The following TRAP1 variants were observed in gnomAD, a reference collection of about 807,000 sequenced individuals.
TRAP1 encodes the protein heat shock protein 75 kDa, mitochondrial.
A neutral mutation model predicts 89.1 loss-of-function variants in TRAP1; 102 were observed. The ratio of observed to expected loss-of-function variants is 1.15; its 90% CI spans 0.98 to 1.35. The LOEUF (loss-of-function observed/expected upper bound fraction) is 1.35, where lower values mean the gene tolerates loss of function less well. TRAP1 is among the 40% of genes most tolerant of loss of function. The pLI is 0.00. For synonymous variants in TRAP1, 508 were observed against 388.0 expected (o/e 1.31, Z -3.64); for missense variants, 1,256 against 945.3 (o/e 1.33, Z -4.31).
In TRAP1 at chr16:3,712,712, T is replaced by TCTCC. The variant is rs1393062365; in HGVS notation, c.88+4708_88+4709insGGAG. Among the ~76,000 whole-genome samples the TCTCC allele has an allele frequency of 3.3e-5, 5 of 152,274 alleles. No homozygotes were observed. The East Asian group carries it at 9.6e-4, about 29-fold the overall frequency. ...AACCTCCAACCTCCACCTCCCAGGT[T>TCTCC]CAAGCAATTCTCGTGCCTCAGCCTC... On this transcript the variant is annotated intron_variant, in intron 1 of 17. Transcript: ENST00000246957.
At chr16:3,669,413 C>T (rs1231122543) in intron 11 of TRAP1, among the ~76,000 whole-genome samples, 3 of 152,132 alleles carry the variant, frequency 2.0e-5, no homozygotes, top group Admixed American at 1.3e-4. Context: ...AGCACTGAGG[C>T]CCCCTTTTCA....
At position 3,664,461 on chromosome 16, in the gene TRAP1, T is replaced by C; in HGVS notation, c.1384-2A>G. ...GCGCAGCAGCTTTGCTATGTCCTCCTAGAAGGGACGGGGCAGGTCACCACT... is the reference window on the plus strand; with the variant it reads ...GCGCAGCAGCTTTGCTATGTCCTCCCAGAAGGGACGGGGCAGGTCACCACT... On this transcript the variant is annotated splice_acceptor_variant, in intron 12 of 17. Transcript: ENST00000246957. LOFTEE classifies it high-confidence loss of function. 6.2e-7 allele frequency: 1 copy of C among 1,608,036 alleles called. No individual in the cohort carries two copies. The highest frequency in any genetic ancestry group is 8.5e-7 in the Non-Finnish European group (1 of 1,177,714).
At position 3,664,457 on chromosome 16, in the gene TRAP1, C is replaced by A. The variant is rs144397127; in HGVS notation, c.1386G>T (p.Glu462Asp). Residue 462 changes from glutamate to aspartate, a missense_variant and splice_region_variant, in exon 13 of 18, where the codon GAG becomes GAT. Physicochemically the swap from Glu to Asp is conservative, Grantham distance 45. Coordinates refer to ENST00000246957, the MANE Select transcript of TRAP1 (RefSeq NM_016292.3). The part of the protein sequence containing the change: ...IVTATEQEVK[E>D]DIAKLLRYES... ...CGTAGCGCAGCAGCTTTGCTATGTCCTCCTAGAAGGGACGGGGCAGGTCAC... is the reference window on the plus strand; with the variant it reads ...CGTAGCGCAGCAGCTTTGCTATGTCATCCTAGAAGGGACGGGGCAGGTCAC... 1.3e-4 allele frequency: 204 copies of A among 1,608,690 alleles called. No homozygotes were observed. In the African/African-American group the frequency reaches 2.6e-3, roughly 20 times the overall value.
At chr16:3,661,826 C>T (rs897728085) in intron 16 of TRAP1, 161 bp downstream of exon 16, 2 of 934,878 alleles carry the variant, frequency 2.1e-6, no homozygotes, top group African/African-American at 1.7e-5. Flanking sequence ...GGTTCCATTT[C>T]ACATGGGTGC....
chr16:3,708,170 C>A (rs1305726603), intron 1 of TRAP1, among the ~76,000 whole-genome samples: 1 of 152,010 alleles, frequency 6.6e-6, no homozygotes, highest in Non-Finnish European at 1.5e-5. Flanking sequence ...TGCACTCCAG[C>A]CCGGATGACA....
intron 1 of TRAP1, among the ~76,000 whole-genome samples, chr16:3,705,712 C>A (rs967694892): frequency 2.6e-5 from 4 of 152,110 alleles, no homozygotes; most frequent in African/African-American, 9.7e-5. Flanking sequence ...CAGAGTTTCA[C>A]TCTCGTTGCC....
intron 1 of TRAP1, among the ~76,000 whole-genome samples, chr16:3,713,858 G>C (rs972203309): frequency 1.3e-5 from 2 of 152,224 alleles, no homozygotes; most frequent in African/African-American, 4.8e-5. Context: ...TGGGCCACGT[G>C]GCTGGGCTCC....
chr16:3,681,157 A>G (rs963512759), intron 4 of TRAP1, among the ~76,000 whole-genome samples: 38 of 152,232 alleles, frequency 2.5e-4, no homozygotes, highest in African/African-American at 8.4e-4. Flanking sequence ...ACCTTAAATA[A>G]AAGAGCTCAC....
intron 5 of TRAP1, 179 bp from the exon 6 acceptor site, chr16:3,677,837 C>A: frequency 1.5e-6 from 1 of 677,048 alleles, no homozygotes; most frequent in Non-Finnish European, 2.4e-6. Context: ...GACACATTAG[C>A]CCTAGGACAA....
In TRAP1 at chr16:3,663,494, C is replaced by T. The variant is rs748514506; in HGVS notation, c.1638G>A (p.Lys546=). The T allele has an allele frequency of 1.2e-6, 2 of 1,614,046 alleles. No homozygotes were observed. The highest frequency in any genetic ancestry group is 1.7e-6 in the Non-Finnish European group (2 of 1,179,998). The stretch of plus-strand genomic sequence containing the variant: ...CTATGTCCGTCTCCACAGAGATCAG[C>T]TTCTTCTTGTCAAACTCACGAAGGT... ...LLHLREFDKK[K]LISVETDIVV... is the part of the protein sequence containing the mutation. The change falls in exon 14 of 18, where the codon AAG becomes AAA. Residue 546 remains lysine, a synonymous_variant. Coordinates refer to ENST00000246957, the MANE Select transcript of TRAP1 (RefSeq NM_016292.3).
At chr16:3,658,315 C>T in intron 17 of TRAP1, 85 bp from the exon 18 acceptor site, 1 of 1,142,786 alleles carries the variant, frequency 8.8e-7, no homozygotes. Context: ...CTCACTGTTG[C>T]CGAGGCTGGA....
chr16:3,667,665 T>G (rs758714059), intron 11 of TRAP1, among the ~76,000 whole-genome samples: 12 of 151,078 alleles, frequency 7.9e-5, no homozygotes, highest in East Asian at 1.9e-4. Context: ...ATAAAAAAAT[T>G]TTATTAATGA....
chr16:3,674,856 A>T (rs2074805), intron 8 of TRAP1: 117,143 of 342,826 alleles, frequency 0.34, 22,087 homozygotes, highest in East Asian at 0.46. Context: ...GCGAGGGGGA[A>T]GTCAGTCACT....
At chr16:3,662,777 G>A (rs1261164353) in intron 15 of TRAP1, 105 bp downstream of exon 15, 5 of 1,064,902 alleles carry the variant, frequency 4.7e-6, no homozygotes, top group Non-Finnish European at 7.2e-6. Flanking sequence ...GGCTTCTGCT[G>A]CTGCTGGAAG....
intron 1 of TRAP1, among the ~76,000 whole-genome samples, chr16:3,698,099 C>A (rs1444889070): frequency 6.6e-6 from 1 of 151,914 alleles, no homozygotes. Context: ...GCACAAACCA[C>A]TACACCCAGC....
At chr16:3,705,386 A>G (rs989328668) in intron 1 of TRAP1, among the ~76,000 whole-genome samples, 1 of 151,552 alleles carries the variant, frequency 6.6e-6, no homozygotes, top group Non-Finnish European at 1.5e-5. Context: ...GAACATTTTT[A>G]TCACCCCAAA....
At chr16:3,688,038 G>C (rs77365228) in intron 3 of TRAP1, among the ~76,000 whole-genome samples, 2,607 of 152,212 alleles carry the variant, frequency 0.017, 79 homozygotes, top group African/African-American at 0.059. Context: ...AAGGCCCTCT[G>C]AGCTTTGAAA....
At chr16:3,669,458 A>G (rs1032302549) in intron 11 of TRAP1, among the ~76,000 whole-genome samples, 1 of 152,158 alleles carries the variant, frequency 6.6e-6, no homozygotes, top group Non-Finnish European at 1.5e-5. Flanking sequence ...CAGCAAGGAA[A>G]ATACCTTTTA....
chr16:3,686,176 ACT>A (rs2051136490), intron 3 of TRAP1, 40 bp from the exon 4 acceptor site: 1 of 1,606,550 alleles, frequency 6.2e-7, no homozygotes, highest in East Asian at 2.2e-5. Flanking sequence ...AATGAAGGAC[ACT>A]CATCCTGCAG....
Sources: allele counts gnomAD v4.1 joint callset (sites outside exome capture counted in the v4.1 genomes callset), GRCh38; gene constraint gnomAD v4.1.1; transcripts MANE v1.5; gene names NCBI Gene and HGNC (gene_info 2026-07-23, HGNC 2026-07-21).